The following BTBD18 variants were observed in gnomAD, a reference collection of about 807,000 sequenced individuals.
BTBD18 encodes BTB domain containing 18, also known as BTB/POZ domain-containing protein 18.
For missense variants in BTBD18, 787 were observed against 846.3 expected (o/e 0.93, Z 0.87); for synonymous variants, 311 against 324.4 (o/e 0.96, Z 0.44).
rs1565242106 is a variant in BTBD18, at chr11:57,744,361, GC to G, written c.1911del (p.Leu638TrpfsTer5). ...SPPCSNWVETGLEVSLTTDEL... is the reference protein window; with the variant it reads ...SPPCSNWVETXLEVSLTTDEL... The stretch of plus-strand genomic sequence containing the variant: ...TCATCTGTAGTCAAGGAGACTTCCA[GC>G]CCAGTCTCCACCCAGTTTGAGCAGG... On this transcript the variant is annotated frameshift_variant, in exon 3 of 3. Transcript: ENST00000422652. LOFTEE classifies it low-confidence loss of function (END_TRUNC). The G allele has an allele frequency of 1.3e-6, 2 of 1,551,490 alleles. No individual in the cohort carries two copies. Among genetic ancestry groups the G allele is most frequent in the Non-Finnish European group, 1.7e-6 (2 of 1,146,822 alleles).
rs1424731927 is a variant in BTBD18 at position 57,746,062 on chromosome 11, C to T, written c.211G>A (p.Gly71Ser). 1 of 1,551,562 alleles carries T rather than the reference C, an allele frequency of 6.4e-7. No homozygotes were observed. Among genetic ancestry groups the T allele is most frequent in the African/African-American group, 1.4e-5 (1 of 73,042 alleles). Residue 71 changes from glycine to serine, a missense_variant, in exon 3 of 3, where the codon GGT becomes AGT. By Grantham distance (56) the Gly-to-Ser change is moderately conservative (BLOSUM62 0). Coordinates refer to ENST00000422652, the MANE Select transcript of BTBD18 (RefSeq NM_001145101.3). Reference sequence around the variant, plus strand: ...CCCAGCTCTAGCACCACCTTCCCACCCTGAGCTGGCCTCTCCCGCTCCAGG... The same window carrying T: ...CCCAGCTCTAGCACCACCTTCCCACTCTGAGCTGGCCTCTCCCGCTCCAGG... ...ERLERERPAQ[G>S]GKVVLELGGL...
At chr11:57,746,439 C>T (rs1340452419) in intron 2 of BTBD18, among the ~76,000 whole-genome samples, 1 of 151,674 alleles carries the variant, frequency 6.6e-6, no homozygotes, top group African/African-American at 2.4e-5. Context: ...AAGCAATTCT[C>T]CTGTCTTAGC....
In BTBD18 at chr11:57,745,831, T is replaced by G. The variant is rs1949178694; in HGVS notation, c.442A>C (p.Ser148Arg). The change falls in exon 3 of 3, where the codon AGT becomes CGT. Residue 148 changes from serine to arginine, a missense_variant. Physicochemically the swap from Ser to Arg is moderately radical, Grantham distance 110 (BLOSUM62 -1). Coordinates refer to ENST00000422652, the MANE Select transcript of BTBD18 (RefSeq NM_001145101.3). ...ACTCTGGCAGAGATTGGTGCAGCAC[T>G]TGTTGGTTGTAAGCACTCTCGGTTC... ...RLNRECLQPT[S>R]AAPISARVVT... The G allele has an allele frequency of 1.3e-6, 2 of 1,551,416 alleles. No homozygotes were observed. The highest frequency in any genetic ancestry group is 1.7e-6 in the Non-Finnish European group (2 of 1,146,924).
At chr11:57,748,223 CTAAT>C (rs1382956470) in intron 2 of BTBD18, among the ~76,000 whole-genome samples, 2 of 152,178 alleles carry the variant, frequency 1.3e-5, no homozygotes, top group Non-Finnish European at 2.9e-5. Context: ...TGCCCAGCCT[CTAAT>C]TAAGTATCAG....
rs1276190917 is a variant in BTBD18, at chr11:57,745,688, T to A, written c.585A>T (p.Arg195=). The change falls in exon 3 of 3, where the codon CGA becomes CGT. Residue 195 remains arginine (R), a synonymous_variant. Transcript: ENST00000422652. The part of the protein sequence containing the change: ...GKEEGPQENN[R]QNADNLSGTL... ...TGCCAGACAAATTGTCTGCATTCTG[T>A]CGGTTGTTTTCCTGGGGCCCCTCTT... 1.3e-6 allele frequency: 2 copies of A among 1,551,686 alleles called. No individual in the cohort carries two copies. The highest frequency in any genetic ancestry group is 1.7e-6 in the Non-Finnish European group (2 of 1,146,986).
chr11:57,751,206 C>A lies in BTBD18; in HGVS notation c.-18G>T. On this transcript the variant is annotated 5_prime_UTR_variant, in exon 2 of 3. Transcript: ENST00000422652. ...GAGCACATGTTGGCAAGAGTCTTAA[C>A]AAACCTTCTAGGTTTTCACAGATCA... The A allele has an allele frequency of 6.6e-7, 1 of 1,525,666 alleles. No individual in the cohort carries two copies. The allele number at this position is 1,525,666 out of a possible 1,614,324, so 94.5% of individuals were successfully genotyped here.
At position 57,744,301 on chromosome 11, in the gene BTBD18, C is replaced by A; in HGVS notation, c.1972G>T (p.Val658Leu). 2.6e-6 allele frequency: 4 copies of A among 1,551,678 alleles called. No homozygotes were observed. The South Asian group carries it at 3.6e-5, about 14-fold the overall frequency. The change falls in exon 3 of 3, where the codon GTA (valine) becomes TTA (leucine). Residue 658 changes from valine (V) to leucine (L), a missense_variant. Coordinates refer to ENST00000422652, the MANE Select transcript of BTBD18 (RefSeq NM_001145101.3). ...CCTAGTAGTTCAGAGTGACCAGATA[C>A]CTCCTTGCCTGCCTTGGGAGAAGGG... Reference protein sequence around the residue: ...LYPSPKAGKEVSGHSELLGSL... With the variant: ...LYPSPKAGKELSGHSELLGSL...
In BTBD18 at chr11:57,744,332, T is replaced by C. The variant is rs536181991; in HGVS notation, c.1941A>G (p.Leu647=). ...GLEVSLTTDE[L]LYPSPKAGKE... ...TGCCTGCCTTGGGAGAAGGGTATAA[T>C]AACTCATCTGTAGTCAAGGAGACTT... is the stretch of plus-strand genomic sequence containing the variant. Residue 647 remains leucine, a synonymous_variant, in exon 3 of 3, where the codon TTA becomes TTG. Coordinates refer to ENST00000422652, the MANE Select transcript of BTBD18 (RefSeq NM_001145101.3). 9.0e-6 allele frequency: 14 copies of C among 1,551,618 alleles called. No homozygotes were observed. In the East Asian group the frequency reaches 9.8e-5, roughly 11 times the overall value.
rs769270935 is a variant in BTBD18 at position 57,744,129 on chromosome 11, C to G, written c.*5G>C. The G allele has an allele frequency of 6.6e-7, 1 of 1,525,836 alleles. No individual in the cohort carries two copies. The highest frequency in any genetic ancestry group is 1.2e-5 in the South Asian group (1 of 82,306). 94.5% of individuals were successfully genotyped at this position (1,525,836 alleles called of 1,614,324 possible). ...CAAGGCCCCTAACCTGCCCTCCCCT[C>G]TCCACTATGTTAGTATATCTACCTC... is the stretch of plus-strand genomic sequence containing the variant. On this transcript the variant is annotated 3_prime_UTR_variant, in exon 3 of 3. Coordinates refer to ENST00000422652, the MANE Select transcript of BTBD18 (RefSeq NM_001145101.3).
At chr11:57,747,338 A>G (rs1949215334) in intron 2 of BTBD18, among the ~76,000 whole-genome samples, 1 of 152,186 alleles carries the variant, frequency 6.6e-6, no homozygotes, top group Non-Finnish European at 1.5e-5. Context: ...AGCACCTTCA[A>G]TGCAACTTTT....
chr11:57,753,077 T>C (rs1949349173), upstream of BTBD18, among the ~76,000 whole-genome samples: 1 of 152,230 alleles, frequency 6.6e-6, no homozygotes, highest in South Asian at 2.1e-4. Flanking sequence ...GTGGTAGTGA[T>C]AGCGAGGGTT....
At position 57,743,936 on chromosome 11, in the gene BTBD18, T is replaced by G. The variant is rs1316351387; in HGVS notation, c.*198A>C. The G allele has an allele frequency of 3.8e-6, 2 of 529,174 alleles. No individual in the cohort carries two copies. The highest frequency in any genetic ancestry group is 6.7e-6 in the Non-Finnish European group (2 of 297,894). The allele number at this position is 529,174 out of a possible 1,614,324, so 32.8% of individuals were successfully genotyped here. On this transcript the variant is annotated 3_prime_UTR_variant, in exon 3 of 3. Coordinates refer to ENST00000422652, the MANE Select transcript of BTBD18 (RefSeq NM_001145101.3). ...TAGATTACAAATAAGATGGTACAAG[T>G]TCATAATTTTCTATCTATGGTACCC... is the stretch of plus-strand genomic sequence containing the variant.
chr11:57,750,932 G>A, intron 2 of BTBD18, 133 bp downstream of exon 2: 1 of 626,024 alleles, frequency 1.6e-6, no homozygotes, highest in Non-Finnish European at 2.4e-6. Flanking sequence ...GAAACAAACA[G>A]CCCTTTACCA....
At chr11:57,747,742 A>G (rs1183605313) in intron 2 of BTBD18, among the ~76,000 whole-genome samples, 3 of 151,876 alleles carry the variant, frequency 2.0e-5, no homozygotes, top group African/African-American at 7.3e-5. Context: ...CAGGTGATCC[A>G]CCTGCCTCGG....
intron 2 of BTBD18, among the ~76,000 whole-genome samples, 189 bp from the exon 3 acceptor site, chr11:57,746,337 T>C (rs1344138261): frequency 6.6e-6 from 1 of 151,552 alleles, no homozygotes; most frequent in African/African-American, 2.4e-5. Flanking sequence ...AGCTATTTTT[T>C]TTTTTTTTTT....
chr11:57,747,706 C>T (rs1949224214), intron 2 of BTBD18, among the ~76,000 whole-genome samples: 1 of 152,080 alleles, frequency 6.6e-6, no homozygotes, highest in African/African-American at 2.4e-5. Flanking sequence ...ACCATGTTGG[C>T]CAGGCTGATC....
intron 2 of BTBD18, among the ~76,000 whole-genome samples, chr11:57,749,329 T>C (rs914530087): frequency 6.6e-6 from 1 of 152,244 alleles, no homozygotes; most frequent in Non-Finnish European, 1.5e-5. Flanking sequence ...TGGAATTAAA[T>C]AGTCAATCTC....
intron 2 of BTBD18, among the ~76,000 whole-genome samples, chr11:57,748,919 C>T (rs1028955452): frequency 6.6e-6 from 1 of 152,090 alleles, no homozygotes; most frequent in African/African-American, 2.4e-5. Flanking sequence ...TTCTCTTTTC[C>T]TCTCTGGTCA....
chr11:57,746,873 G>A (rs1463659675), intron 2 of BTBD18, among the ~76,000 whole-genome samples: 1 of 151,538 alleles, frequency 6.6e-6, no homozygotes, highest in Admixed American at 6.6e-5. Flanking sequence ...CCTGGGCAGA[G>A]GTACTCTGTA....
Sources: gnomAD v4.1 joint callset for allele counts (sites outside exome capture counted in the v4.1 genomes callset) on GRCh38, gnomAD v4.1.1 for gene constraint, MANE v1.5 for transcripts, NCBI Gene and HGNC (gene_info 2026-07-23, HGNC 2026-07-21) for gene names.